Variants in MBP observed in about 807,000 individuals in gnomAD.
MBP encodes myelin basic protein, also known as Golli-MBP.
In MBP, 16 loss-of-function variants were observed where a neutral mutation model predicts 35.8. That is an observed-to-expected ratio of 0.45 (90% CI 0.30 to 0.68). MBP has a LOEUF of 0.68. MBP is among the 30% of genes least tolerant of loss of function. The pLI is 0.08. For synonymous variants in MBP, 143 were observed against 159.6 expected, an observed-to-expected ratio of 0.90 and a Z score of 0.78; for missense variants, 380 against 404.7, an observed-to-expected ratio of 0.94 and a Z score of 0.52.
At chr18:77,092,253 G>A (rs1458585470) in intron 2 of MBP, among the ~76,000 whole-genome samples, 1 of 152,258 alleles carries the variant, frequency 6.6e-6, no homozygotes, top group Non-Finnish European at 1.5e-5. Flanking sequence ...GAGCAGACTG[G>A]TGACTAGAAG....
intron 3 of MBP, among the ~76,000 whole-genome samples, chr18:77,045,754 A>G (rs942989979): frequency 1.3e-5 from 2 of 152,258 alleles, no homozygotes; most frequent in East Asian, 3.8e-4. Context: ...CATTTTTATT[A>G]GAAACAGCAC....
At chr18:77,002,579 G>A (rs1222707169) in intron 4 of MBP, among the ~76,000 whole-genome samples, 3 of 152,262 alleles carry the variant, frequency 2.0e-5, no homozygotes, top group African/African-American at 7.2e-5. Context: ...AACACGAGGT[G>A]TGATCGTAAA....
At chr18:77,072,101 G>A (rs1974477110) in intron 2 of MBP, among the ~76,000 whole-genome samples, 1 of 152,102 alleles carries the variant, frequency 6.6e-6, no homozygotes, top group Non-Finnish European at 1.5e-5. Context: ...GCACCTACAT[G>A]CCAGCTGCTT....
intron 1 of MBP, among the ~76,000 whole-genome samples, chr18:77,125,094 T>G (rs1326922779): frequency 6.6e-6 from 1 of 152,180 alleles, no homozygotes; most frequent in Non-Finnish European, 1.5e-5. Flanking sequence ...CTTGAACAAA[T>G]GACAACGAAG....
chr18:76,989,866 G>A lies in MBP; in HGVS notation c.681+90C>T, dbSNP rs1487626099. 6 of 1,138,762 alleles carry A rather than the reference G, an allele frequency of 5.3e-6. No individual in the cohort carries two copies. Among genetic ancestry groups the A allele is most frequent in the Admixed American group, 1.8e-5 (1 of 56,344 alleles). The allele number at this position is 1,138,762 out of a possible 1,614,324, so 70.5% of individuals were successfully genotyped here. ...ATGATGACCCCGGTGCCACCCCCGA[G>A]CGTACGAACGTCCTGTGTGGATGAC... On this transcript the variant is annotated intron_variant, in intron 5 of 8. Coordinates refer to ENST00000355994, the MANE Select transcript of MBP (RefSeq NM_001025101.2). The surrounding 1 kb of genome is among the most constrained non-coding windows in gnomAD (Gnocchi z 4.0).
Position 77,102,189 on chromosome 18 carries a change from G to A in MBP, c.51+3022C>T, listed in dbSNP as rs892308416. ...GAGGGGGCCCTCAGCAGCCTGGGCC[G>A]GGCAGTGGGGCAGAGGCAGTGTGTG... On this transcript the variant is annotated intron_variant, in intron 2 of 8. Transcript: ENST00000355994. The surrounding 1 kb of genome is among the most constrained non-coding windows in gnomAD (Gnocchi z 4.4). Among the ~76,000 whole-genome samples, 3 of 152,148 alleles carry A rather than the reference G, an allele frequency of 2.0e-5. No individual in the cohort carries two copies. Among genetic ancestry groups the A allele is most frequent in the South Asian group, 2.1e-4 (1 of 4,818 alleles).
chr18:77,117,243 T>C (rs1976698676), intron 1 of MBP, among the ~76,000 whole-genome samples: 1 of 152,228 alleles, frequency 6.6e-6, no homozygotes, highest in Non-Finnish European at 1.5e-5. Flanking sequence ...ACTCTGTTAT[T>C]AAAAATGGCA....
At chr18:76,999,372 T>C (rs1303701923) in intron 4 of MBP, among the ~76,000 whole-genome samples, 1 of 152,042 alleles carries the variant, frequency 6.6e-6, no homozygotes. Flanking sequence ...CCAGGAACGC[T>C]TGTGACGTAT....
chr18:77,014,580 A>C (rs780423229), intron 4 of MBP: 1 of 985,312 alleles, frequency 1.0e-6, no homozygotes, highest in Non-Finnish European at 1.2e-6. Context: ...AATAAAAATA[A>C]AAACAAAACC....
intron 3 of MBP, among the ~76,000 whole-genome samples, chr18:77,060,773 T>C (rs1358904517): frequency 6.6e-6 from 1 of 152,150 alleles, no homozygotes; most frequent in Non-Finnish European, 1.5e-5. Flanking sequence ...CAATGGGCCC[T>C]TGCAACAATT....
At chr18:77,025,054 G>A (rs1240434738) in intron 3 of MBP, among the ~76,000 whole-genome samples, 1 of 152,126 alleles carries the variant, frequency 6.6e-6, no homozygotes, top group Non-Finnish European at 1.5e-5. Context: ...GAGGCGGGTG[G>A]TTTTAGTAGC....
At chr18:77,046,553 T>C (rs1973264718) in intron 3 of MBP, among the ~76,000 whole-genome samples, 1 of 152,162 alleles carries the variant, frequency 6.6e-6, no homozygotes, top group Non-Finnish European at 1.5e-5. Flanking sequence ...CCAATTATCC[T>C]CCTGACAAAC....
chr18:77,127,487 G>A (rs1316775569), intron 1 of MBP: 2 of 152,166 alleles, frequency 1.3e-5, no homozygotes, highest in East Asian at 3.8e-4. Flanking sequence ...CTCAGGCTAG[G>A]TGAAGACTTA....
At chr18:77,002,786 C>G (rs368445957) in intron 4 of MBP, 3 of 152,180 alleles carry the variant, frequency 2.0e-5, no homozygotes, top group African/African-American at 7.2e-5. Flanking sequence ...TGAAAGTCAG[C>G]GGCCTATGGG....
intron 1 of MBP, among the ~76,000 whole-genome samples, chr18:77,106,468 C>T (rs765506737): frequency 1.5e-4 from 23 of 152,248 alleles, no homozygotes; most frequent in African/African-American, 4.8e-4. Flanking sequence ...TCGCCACTCC[C>T]GGAGTCCACC....
At chr18:77,003,407 A>G (rs887126491) in intron 4 of MBP, 2 of 152,188 alleles carry the variant, frequency 1.3e-5, no homozygotes, top group African/African-American at 4.8e-5. Flanking sequence ...TGAAGGGCGA[A>G]TGAATTTGCT....
intron 2 of MBP, chr18:77,093,489 C>T (rs943294116): frequency 1.3e-5 from 2 of 152,180 alleles, no homozygotes; most frequent in Non-Finnish European, 2.9e-5. Flanking sequence ...CATTGCATTC[C>T]AACTTAACAA....
chr18:77,029,356 C>A (rs1457261943), intron 3 of MBP, among the ~76,000 whole-genome samples: 1 of 147,044 alleles, frequency 6.8e-6, no homozygotes, highest in Non-Finnish European at 1.5e-5. Flanking sequence ...GCCGAGATGG[C>A]AGCAGTACAG....
At chr18:77,066,132 G>A (rs1974187974) in intron 3 of MBP, 166 bp downstream of exon 3, 5 of 622,416 alleles carry the variant, frequency 8.0e-6, no homozygotes, top group South Asian at 6.1e-5. Context: ...TGAAGTGTGC[G>A]ATTACAGACA....
Sources: allele counts gnomAD v4.1 joint callset (sites outside exome capture counted in the v4.1 genomes callset), GRCh38; gene constraint gnomAD v4.1.1; non-coding constraint Gnocchi (gnomAD v3.1); transcripts MANE v1.5; gene names NCBI Gene and HGNC (gene_info 2026-07-23, HGNC 2026-07-21).